Variants in ZNF385D observed in about 807,000 individuals in gnomAD.
The protein encoded by ZNF385D is zinc finger protein 385D, also known as zinc finger protein 659.
In ZNF385D, 15 loss-of-function variants were observed where a neutral mutation model predicts 35.8. The ratio of observed to expected loss-of-function variants is 0.42; its 90% CI spans 0.28 to 0.64. The LOEUF is 0.64. ZNF385D is among the 30% of genes least tolerant of loss of function. ZNF385D has a pLI of 0.23. For missense variants in ZNF385D, 474 were observed against 494.6 expected (o/e 0.96, Z 0.39); for synonymous variants, 212 against 186.8 (o/e 1.13, Z -1.10).
chr3:21,559,262 A>G (rs1167355032), intron 3 of ZNF385D, among the ~76,000 whole-genome samples: 2 of 152,054 alleles, frequency 1.3e-5, no homozygotes, highest in African/African-American at 2.4e-5. Context: ...CATAGTGTCG[A>G]TGGTCTTTAC....
intron 3 of ZNF385D, among the ~76,000 whole-genome samples, chr3:21,833,361 AG>A (rs2125769226): frequency 6.6e-6 from 1 of 152,324 alleles, no homozygotes; most frequent in South Asian, 2.1e-4. Flanking sequence ...TAAGAGAAAA[AG>A]GTTACCCTGC....
intron 2 of ZNF385D, among the ~76,000 whole-genome samples, chr3:22,366,599 T>C (rs1323366521): frequency 1.3e-5 from 2 of 152,178 alleles, no homozygotes; most frequent in Admixed American, 6.5e-5. Context: ...ACATCTTGCA[T>C]AATATTTTTT....
At chr3:21,455,291 CA>C (rs1259470922) in intron 4 of ZNF385D, among the ~76,000 whole-genome samples, 1 of 152,068 alleles carries the variant, frequency 6.6e-6, no homozygotes, top group Non-Finnish European at 1.5e-5. Flanking sequence ...AATCCTAAGC[CA>C]AAAGAACAAA....
intron 3 of ZNF385D, among the ~76,000 whole-genome samples, chr3:21,956,436 AG>A (rs75815395): frequency 0.26 from 39,413 of 151,666 alleles, 5,565 homozygotes; most frequent in Non-Finnish European, 0.32. Context: ...TTTGAGTGGG[AG>A]AAGAAGAAAA....
At chr3:22,329,222 C>T (rs1378439115) in intron 2 of ZNF385D, among the ~76,000 whole-genome samples, 1 of 152,044 alleles carries the variant, frequency 6.6e-6, no homozygotes, top group Non-Finnish European at 1.5e-5. Context: ...TGATGATCTA[C>T]AGATGGTGAG....
At chr3:22,192,697 C>T (rs968801334) in intron 2 of ZNF385D, among the ~76,000 whole-genome samples, 4 of 152,136 alleles carry the variant, frequency 2.6e-5, no homozygotes, top group Non-Finnish European at 5.9e-5. Flanking sequence ...CAAATGCTTC[C>T]TAACCAAGCT....
At chr3:22,201,593 TAA>T (rs924833683) in intron 2 of ZNF385D, among the ~76,000 whole-genome samples, 7 of 152,010 alleles carry the variant, frequency 4.6e-5, no homozygotes, top group African/African-American at 1.7e-4. Flanking sequence ...AGAACATTTT[TAA>T]AAGTTTATCT....
At chr3:21,441,741 C>T in intron 4 of ZNF385D, 1 of 985,112 alleles carries the variant, frequency 1.0e-6, no homozygotes, top group Non-Finnish European at 1.2e-6. Context: ...CTTTTTTTCC[C>T]CCTGCAAAAG....
At chr3:21,983,434 G>A (rs1256972032) in intron 3 of ZNF385D, among the ~76,000 whole-genome samples, 40 of 108,302 alleles carry the variant, frequency 3.7e-4, no homozygotes, top group Admixed American at 1.1e-3. Context: ...TTGTTCTTGC[G>A]ATAGTTTACT....
chr3:22,244,092 C>T (rs1411324999), intron 2 of ZNF385D, among the ~76,000 whole-genome samples: 1 of 150,470 alleles, frequency 6.6e-6, no homozygotes, highest in Non-Finnish European at 1.5e-5. Context: ...TTATATTTCC[C>T]CTTGAAGCCA....
In ZNF385D at chr3:21,555,326, C is replaced by T. The variant is rs183561296; in HGVS notation, c.276+9248G>A. On this transcript the variant is annotated intron_variant, in intron 3 of 7. Transcript: ENST00000281523. ...TGGTTTGCTGCACCCATCAACCTGT[C>T]ATCTACATTAGGTATTTCTCCTAAT... is the stretch of plus-strand genomic sequence containing the variant. Among the ~76,000 whole-genome samples, 451 of 151,786 alleles carry T rather than the reference C, an allele frequency of 3.0e-3. 2 individuals are homozygous for T. Among genetic ancestry groups the T allele is most frequent in the African/African-American group, 0.01 (433 of 41,394 alleles).
chr3:21,531,192 T>C (rs1330804107), intron 3 of ZNF385D, among the ~76,000 whole-genome samples: 1 of 151,920 alleles, frequency 6.6e-6, no homozygotes, highest in Admixed American at 6.6e-5. Flanking sequence ...AAAAGGCAAA[T>C]TAAAACAATG....
chr3:21,963,994 G>A (rs1239817914), intron 3 of ZNF385D, among the ~76,000 whole-genome samples: 2 of 152,062 alleles, frequency 1.3e-5, no homozygotes, highest in African/African-American at 2.4e-5. Context: ...TAGTACAAAA[G>A]CGACTAAGTA....
chr3:22,084,978 G>A (rs1700949299), intron 3 of ZNF385D, among the ~76,000 whole-genome samples: 3 of 152,122 alleles, frequency 2.0e-5, no homozygotes, highest in South Asian at 4.1e-4. Context: ...AATGACTACC[G>A]GGTAAATAAT....
chr3:21,624,484 A>G (rs1367185461), intron 2 of ZNF385D, among the ~76,000 whole-genome samples: 1 of 152,122 alleles, frequency 6.6e-6, no homozygotes, highest in African/African-American at 2.4e-5. Context: ...CTGCATTGGG[A>G]GAGACTTAGT....
At chr3:22,093,384 A>G (rs1351710167) in intron 3 of ZNF385D, among the ~76,000 whole-genome samples, 1 of 151,808 alleles carries the variant, frequency 6.6e-6, no homozygotes, top group Non-Finnish European at 1.5e-5. Context: ...TTATAATTTA[A>G]TAAAAGTGCA....
At chr3:22,135,692 A>G (rs62248884) in intron 3 of ZNF385D, among the ~76,000 whole-genome samples, 24,914 of 152,180 alleles carry the variant, frequency 0.16, 2,613 homozygotes, top group Middle Eastern at 0.25. Flanking sequence ...TTGAAAAAAG[A>G]ATAAAATTTA....
intron 3 of ZNF385D, among the ~76,000 whole-genome samples, chr3:22,077,876 C>A (rs541780946): frequency 7.2e-5 from 11 of 151,894 alleles, no homozygotes; most frequent in African/African-American, 2.4e-4. Flanking sequence ...AGACACCCCC[C>A]ACTCCACTTG....
chr3:22,214,683 C>G (rs559705221), intron 2 of ZNF385D, among the ~76,000 whole-genome samples: 1 of 152,120 alleles, frequency 6.6e-6, no homozygotes, highest in South Asian at 2.1e-4. Flanking sequence ...ATAGCGCTCC[C>G]AGGCTTATTA....
Sources: allele counts gnomAD v4.1 joint callset (sites outside exome capture counted in the v4.1 genomes callset), GRCh38; gene constraint gnomAD v4.1.1; transcripts MANE v1.5; gene names NCBI Gene and HGNC (gene_info 2026-07-23, HGNC 2026-07-21).